The following CDH23 variants were observed in gnomAD, a reference collection of about 807,000 sequenced individuals.
The protein encoded by CDH23 is cadherin related 23.
Under a neutral mutation model 317.1 loss-of-function variants are expected in CDH23, and 189 were observed. The observed-to-expected ratio is 0.60, with a 90% CI of 0.53 to 0.67. The LOEUF (loss-of-function observed/expected upper bound fraction) is 0.67, where lower values mean the gene tolerates loss of function less well. Among genes scored for constraint, CDH23 ranks in the 30% least tolerant of loss-of-function variants. The pLI is 0.00. For missense variants in CDH23, 4,401 were observed against 4,592.4 expected (o/e 0.96, Z 1.20); for synonymous variants, 1,839 against 1,876.8 (o/e 0.98, Z 0.52).
intron 13 of CDH23, 129 bp downstream of exon 13, chr10:71,646,109 C>T: frequency 8.0e-7 from 1 of 1,247,834 alleles, no homozygotes. Flanking sequence ...GGATCTGACT[C>T]AGATAAGCCC....
At chr10:71,734,735 A>G in intron 34 of CDH23, 77 bp downstream of exon 34, 1 of 925,066 alleles carries the variant, frequency 1.1e-6, no homozygotes, top group South Asian at 1.3e-5. Flanking sequence ...CTGGCCCTGG[A>G]CCTTCCCACC....
intron 6 of CDH23, among the ~76,000 whole-genome samples, chr10:71,525,658 G>A (rs1854997238): frequency 6.6e-6 from 1 of 152,184 alleles, no homozygotes; most frequent in African/African-American, 2.4e-5. Flanking sequence ...GAGAGGGAGA[G>A]ATGGCAGGTA....
chr10:71,646,591 G>T lies in CDH23; in HGVS notation c.1423G>T (p.Val475Leu), dbSNP rs62622410. Residue 475 changes from valine to leucine, a missense_variant, in exon 14 of 70, where the codon GTG becomes TTG. Val to Leu is a conservative substitution (Grantham distance 32, BLOSUM62 1). Transcript: ENST00000224721. The part of the protein sequence containing the change: ...YNISLYENVT[V>L]GTSVLTVLAT... ...CATCAGCCTGTACGAGAACGTCACC[G>T]TGGGGACCTCTGTGCTGACAGTCCT... 10 of 1,613,854 alleles carry T rather than the reference G, an allele frequency of 6.2e-6. No individual in the cohort carries two copies. The highest frequency in any genetic ancestry group is 1.6e-4 in the Middle Eastern group (1 of 6,084).
At chr10:71,598,159 G>A (rs1039520300) in intron 9 of CDH23, among the ~76,000 whole-genome samples, 1 of 152,248 alleles carries the variant, frequency 6.6e-6, no homozygotes, top group Admixed American at 6.5e-5. Context: ...GGCTGGGGAG[G>A]CCACAGCTGA....
intron 1 of CDH23, among the ~76,000 whole-genome samples, chr10:71,432,196 G>T (rs1849403749): frequency 6.6e-6 from 1 of 151,962 alleles, no homozygotes; most frequent in African/African-American, 2.4e-5. Context: ...GAACGCAATT[G>T]TGTGTGTGTG....
At chr10:71,424,157 G>A (rs111884688) in intron 1 of CDH23, among the ~76,000 whole-genome samples, 1 of 152,328 alleles carries the variant, frequency 6.6e-6, no homozygotes, top group African/African-American at 2.4e-5. Flanking sequence ...TGCTGCCTCC[G>A]TCAGCATAGA....
In CDH23 at chr10:71,779,380, G is replaced by A. The variant is rs1840895765; in HGVS notation, c.5301G>A (p.Leu1767=). The part of the protein sequence containing the change: ...GQPGPRVWTF[L]AHDRDSGPNG... ...CGGGGCCCAGAGTGTGGACCTTCCT[G>A]GCCCATGACCGAGACTCAGGACCCA... Residue 1767 remains leucine (L), a synonymous_variant, in exon 41 of 70, where the codon CTG becomes CTA. Coordinates refer to ENST00000224721, the MANE Select transcript of CDH23 (RefSeq NM_022124.6). The A allele has an allele frequency of 6.2e-7, 1 of 1,613,770 alleles. No homozygotes were observed.
intron 14 of CDH23, among the ~76,000 whole-genome samples, chr10:71,650,552 T>C (rs1472783710): frequency 1.3e-5 from 2 of 152,206 alleles, no homozygotes; most frequent in Admixed American, 6.5e-5. Context: ...GTAATATACA[T>C]GTGTGTGTGC....
In CDH23 at chr10:71,751,619, G is replaced by C; in HGVS notation, c.4845+9698G>C. Reference sequence around the variant, plus strand: ...GAGGCCGATGCCCTGCAGGCCATGAGGTCATGACCTTACAGGTCATCGTGC... The same window carrying C: ...GAGGCCGATGCCCTGCAGGCCATGACGTCATGACCTTACAGGTCATCGTGC... On this transcript the variant is annotated intron_variant, in intron 38 of 69. Transcript: ENST00000224721. This position sits in a 1 kb window ranked among gnomAD's most constrained non-coding sequence, Gnocchi z 4.9. The C allele has an allele frequency of 6.7e-7, 1 of 1,490,826 alleles. No individual in the cohort carries two copies. Among genetic ancestry groups the C allele is most frequent in the Non-Finnish European group, 9.0e-7 (1 of 1,113,608 alleles). 92.3% of individuals were successfully genotyped at this position (1,490,826 alleles called of 1,614,324 possible).
intron 11 of CDH23, chr10:71,622,919 C>A (rs377268625): frequency 1.3e-5 from 13 of 985,354 alleles, no homozygotes; most frequent in East Asian, 1.1e-4. Context: ...TTCAGAAAGG[C>A]CTTCGGGCCT....
intron 38 of CDH23, among the ~76,000 whole-genome samples, chr10:71,763,123 C>T (rs963468603): frequency 2.0e-5 from 3 of 152,220 alleles, no homozygotes; most frequent in Non-Finnish European, 4.4e-5. Flanking sequence ...CTAATGCCCT[C>T]TGCAGACATC....
At chr10:71,734,212 A>C (rs1413605249) in intron 32 of CDH23, 28 bp from the exon 33 acceptor site, 9 of 1,562,768 alleles carry the variant, frequency 5.8e-6, no homozygotes, top group Non-Finnish European at 6.1e-6. Context: ...CGATGTTGTC[A>C]CTCACCCATC....
At chr10:71,666,107 A>G (rs975083123) in intron 14 of CDH23, among the ~76,000 whole-genome samples, 4 of 152,052 alleles carry the variant, frequency 2.6e-5, no homozygotes, top group Non-Finnish European at 5.9e-5. Context: ...CTTTCTCTGC[A>G]GGCCTCACCA....
At chr10:71,483,365 A>T (rs1353328543) in intron 3 of CDH23, among the ~76,000 whole-genome samples, 1 of 152,202 alleles carries the variant, frequency 6.6e-6, no homozygotes, top group Non-Finnish European at 1.5e-5. Flanking sequence ...AGTGCCTAGG[A>T]CAGCAGCTCT....
chr10:71,716,624 A>G, intron 28 of CDH23: 3 of 349,706 alleles, frequency 8.6e-6, no homozygotes, highest in Non-Finnish European at 1.6e-5. Flanking sequence ...GCCTGTCCGC[A>G]TTTTCAAATC....
chr10:71,789,616 CT>C (rs1295809795), intron 45 of CDH23, among the ~76,000 whole-genome samples: 5 of 152,338 alleles, frequency 3.3e-5, no homozygotes, highest in East Asian at 1.9e-4. Context: ...GGCATCCCCC[CT>C]AGGTGAATTT....
chr10:71,463,739 T>C (rs528411660), intron 3 of CDH23, among the ~76,000 whole-genome samples: 4 of 152,374 alleles, frequency 2.6e-5, no homozygotes, highest in Non-Finnish European at 5.9e-5. Flanking sequence ...GACATCTTCA[T>C]GGTAGAACTT....
chr10:71,465,132 A>G (rs955225305), intron 3 of CDH23, among the ~76,000 whole-genome samples: 7 of 152,258 alleles, frequency 4.6e-5, no homozygotes, highest in African/African-American at 1.7e-4. Flanking sequence ...ACGTAGAGTT[A>G]ACTTTCTTAC....
intron 1 of CDH23, among the ~76,000 whole-genome samples, chr10:71,421,079 C>T (rs1848792007): frequency 6.6e-6 from 1 of 152,230 alleles, no homozygotes. Context: ...CTTCAGAGGT[C>T]TCCAGGTTCT....
Sources: allele counts gnomAD v4.1 joint callset (sites outside exome capture counted in the v4.1 genomes callset), GRCh38; gene constraint gnomAD v4.1.1; non-coding constraint Gnocchi (gnomAD v3.1); transcripts MANE v1.5; gene names NCBI Gene and HGNC (gene_info 2026-07-23, HGNC 2026-07-21).